Variants in BABAM2 observed in about 807,000 individuals in gnomAD.
BABAM2 encodes BRISC and BRCA1 A complex member 2, also known as BRISC and BRCA1-A complex member 2.
A neutral mutation model predicts 54.7 loss-of-function variants in BABAM2; 31 were observed. The observed-to-expected ratio is 0.57, with a 90% CI of 0.43 to 0.77. The LOEUF is 0.77. Among genes scored for constraint, BABAM2 ranks in the 30% least tolerant of loss-of-function variants. The probability of loss-of-function intolerance (pLI) is 0.00; values close to 1 mark genes in which losing one functional copy is unlikely to be tolerated. For synonymous variants in BABAM2, 167 were observed against 162.9 expected (o/e 1.03, Z -0.19); for missense variants, 364 against 455.8 (o/e 0.80, Z 1.83).
intron 7 of BABAM2, among the ~76,000 whole-genome samples, chr2:28,195,450 C>G (rs1286400022): frequency 2.0e-5 from 3 of 151,930 alleles, no homozygotes; most frequent in South Asian, 4.2e-4. Flanking sequence ...AGATATCTGT[C>G]TGGAAAAAAA....
At chr2:27,992,994 A>G (rs891243198) in intron 4 of BABAM2, among the ~76,000 whole-genome samples, 1 of 152,182 alleles carries the variant, frequency 6.6e-6, no homozygotes, top group African/African-American at 2.4e-5. Flanking sequence ...TACTCTCCTC[A>G]GTACATTCTC....
intron 10 of BABAM2, among the ~76,000 whole-genome samples, chr2:28,248,620 A>G (rs1445789877): frequency 6.6e-6 from 1 of 152,174 alleles, no homozygotes; most frequent in Non-Finnish European, 1.5e-5. Flanking sequence ...TGTGGGTCCC[A>G]GTCAACTGCA....
chr2:28,170,947 A>T (rs370922924), intron 7 of BABAM2, among the ~76,000 whole-genome samples: 1 of 152,244 alleles, frequency 6.6e-6, no homozygotes, highest in African/African-American at 2.4e-5. Flanking sequence ...GCTTCAGAGT[A>T]CATTTCCTCC....
intron 2 of BABAM2, among the ~76,000 whole-genome samples, chr2:27,922,243 T>A (rs1043533740): frequency 6.6e-6 from 1 of 152,236 alleles, no homozygotes; most frequent in Non-Finnish European, 1.5e-5. Flanking sequence ...TACTTAGCAC[T>A]GTGCTAGGTG....
At chr2:28,068,865 G>A (rs1171775688) in intron 6 of BABAM2, among the ~76,000 whole-genome samples, 10 of 152,126 alleles carry the variant, frequency 6.6e-5, no homozygotes, top group African/African-American at 2.2e-4. Flanking sequence ...AAATGAGTGC[G>A]TGAATTTAAA....
intron 9 of BABAM2, 102 bp downstream of exon 9, chr2:28,241,495 A>T (rs1191726826): frequency 1.8e-6 from 2 of 1,100,412 alleles, no homozygotes; most frequent in Admixed American, 2.0e-5. Flanking sequence ...GTTCTTACAC[A>T]TGATACCTTT....
intron 6 of BABAM2, among the ~76,000 whole-genome samples, chr2:28,053,320 T>C (rs371206501): frequency 1.3e-5 from 2 of 152,172 alleles, no homozygotes; most frequent in South Asian, 4.1e-4. Flanking sequence ...CACACTCTTG[T>C]AAAATCTAGC....
intron 10 of BABAM2, among the ~76,000 whole-genome samples, chr2:28,255,795 A>G (rs1022513473): frequency 6.6e-6 from 1 of 152,176 alleles, no homozygotes; most frequent in Non-Finnish European, 1.5e-5. Context: ...CCTCCAGAGT[A>G]GCTGGCATTA....
intron 6 of BABAM2, among the ~76,000 whole-genome samples, chr2:28,124,022 C>G (rs977051484): frequency 2.0e-5 from 3 of 152,102 alleles, no homozygotes; most frequent in African/African-American, 7.2e-5. Flanking sequence ...GAATAAAGCC[C>G]CCAATTATAA....
chr2:28,082,182 A>G (rs961766852), intron 6 of BABAM2, among the ~76,000 whole-genome samples: 8 of 152,364 alleles, frequency 5.3e-5, no homozygotes, highest in African/African-American at 1.9e-4. Flanking sequence ...GTGAAGAGCA[A>G]TTCTTTTTCA....
intron 3 of BABAM2, among the ~76,000 whole-genome samples, chr2:27,978,916 G>A (rs1671796033): frequency 6.6e-6 from 1 of 152,190 alleles, no homozygotes; most frequent in Middle Eastern, 3.4e-3. Context: ...TTCCTGGTTA[G>A]TTTGGTAGGA....
chr2:28,282,435 G>C (rs2148197257), intron 10 of BABAM2, among the ~76,000 whole-genome samples: 1 of 152,176 alleles, frequency 6.6e-6, no homozygotes. Flanking sequence ...TGGTAGATCA[G>C]CCAAAATGCC....
intron 6 of BABAM2, among the ~76,000 whole-genome samples, chr2:28,110,322 GC>G (rs1667889763): frequency 6.6e-6 from 1 of 152,134 alleles, no homozygotes; most frequent in Non-Finnish European, 1.5e-5. Flanking sequence ...TGTGAATAAT[GC>G]TATTATAAAC....
At chr2:28,257,742 C>G (rs1458987739) in intron 10 of BABAM2, among the ~76,000 whole-genome samples, 1 of 151,962 alleles carries the variant, frequency 6.6e-6, no homozygotes, top group South Asian at 2.1e-4. Context: ...AAAATTAGCC[C>G]AGTGTGGTGA....
chr2:28,004,831 T>C (rs1673843186), intron 4 of BABAM2, among the ~76,000 whole-genome samples: 1 of 152,094 alleles, frequency 6.6e-6, no homozygotes, highest in Admixed American at 6.6e-5. Context: ...GGACCACACT[T>C]CCATGCCTGG....
chr2:28,136,128 A>AT (rs1322448435), intron 7 of BABAM2, among the ~76,000 whole-genome samples: 1 of 152,026 alleles, frequency 6.6e-6, no homozygotes, highest in African/African-American at 2.4e-5. Context: ...CACATCTTGT[A>AT]TTTTTTTCAC....
At chr2:28,284,761 G>A (rs1686653393) in intron 10 of BABAM2, among the ~76,000 whole-genome samples, 1 of 152,130 alleles carries the variant, frequency 6.6e-6, no homozygotes, top group African/African-American at 2.4e-5. Flanking sequence ...TGTTTTGAAA[G>A]CTTGGTTTGT....
intron 7 of BABAM2, among the ~76,000 whole-genome samples, chr2:28,183,741 A>T (rs62139078): frequency 2.6e-4 from 13 of 50,800 alleles, no homozygotes; most frequent in African/African-American, 4.4e-4. Context: ...GATGAAGATC[A>T]CACACACACA....
intron 7 of BABAM2, among the ~76,000 whole-genome samples, chr2:28,221,576 G>A (rs1395473419): frequency 2.0e-5 from 3 of 152,152 alleles, no homozygotes; most frequent in Non-Finnish European, 2.9e-5. Flanking sequence ...AATAATGAAT[G>A]TATTTTTTAA....
Sources: allele counts gnomAD v4.1 joint callset (sites outside exome capture counted in the v4.1 genomes callset), GRCh38; gene constraint gnomAD v4.1.1; transcripts MANE v1.5; gene names NCBI Gene and HGNC (gene_info 2026-07-23, HGNC 2026-07-21).